Variants in ADGRG4 observed in about 807,000 individuals in gnomAD.
ADGRG4 encodes adhesion G protein-coupled receptor G4, also known as G protein-coupled receptor 112.
A neutral mutation model predicts 126.2 loss-of-function variants in ADGRG4; 122 were observed. That is an observed-to-expected ratio of 0.97 (90% CI 0.83 to 1.12). The LOEUF is 1.12. ADGRG4 is among the 50% of genes most tolerant of loss of function. The pLI is 0.00. For synonymous variants in ADGRG4, 943 were observed against 838.7 expected, an observed-to-expected ratio of 1.12 and a Z score of -2.15; for missense variants, 2,481 against 2,251.8, an observed-to-expected ratio of 1.10 and a Z score of -2.06.
At chrX:136,413,174 G>A (rs1012422800) in intron 24 of ADGRG4, among the ~76,000 whole-genome samples, 1 of 107,830 alleles carries the variant, frequency 9.3e-6, no homozygotes, top group Non-Finnish European at 1.9e-5. Flanking sequence ...TGCCATGCTG[G>A]TGTGCTGCAC....
chrX:136,314,893 C>T lies in ADGRG4; in HGVS notation c.70+6046C>T, dbSNP rs150330998. Among the ~76,000 whole-genome samples, 80 of 111,619 alleles carry T rather than the reference C, an allele frequency of 7.2e-4. 2 individuals carry two copies. In the East Asian group the frequency reaches 0.022, roughly 30 times the overall value. The stretch of plus-strand genomic sequence containing the variant: ...GAGCTTCTGGCTTTATGAGTAAGGA[C>T]ATCTATTTTTTTGGGTGAGACATGG... On this transcript the variant is annotated intron_variant, in intron 4 of 25. Coordinates refer to ENST00000394143, the MANE Select transcript of ADGRG4 (RefSeq NM_153834.4).
Position 136,308,795 on chromosome X carries a change from A to G in ADGRG4, c.18A>G (p.Ile6Met), listed in dbSNP as rs769706208. Residue 6 changes from isoleucine to methionine, a missense_variant, in exon 4 of 26, where the codon ATA becomes ATG. Physicochemically the swap from Ile to Met is conservative, Grantham distance 10. Coordinates refer to ENST00000394143, the MANE Select transcript of ADGRG4 (RefSeq NM_153834.4). ...CTTAGACAATGAAAGAACACATCAT[A>G]TATCAGAAGCTTTATGGATTGATTC... MKEHIIYQKLYGLILM... is the reference protein window; with the variant it reads MKEHIMYQKLYGLILM... 2 of 1,171,937 alleles carry G rather than the reference A, an allele frequency of 1.7e-6. No homozygotes were observed. Among genetic ancestry groups the G allele is most frequent in the African/African-American group, 3.5e-5 (2 of 57,148 alleles).
intron 5 of ADGRG4, among the ~76,000 whole-genome samples, chrX:136,325,317 T>G (rs2074865464): frequency 8.9e-6 from 1 of 112,028 alleles, no homozygotes; most frequent in Non-Finnish European, 1.9e-5. Flanking sequence ...AGAGGAACAT[T>G]CCAGGGGATT....
chrX:136,392,092 C>A, intron 16 of ADGRG4, 140 bp from the exon 17 acceptor site: 2 of 461,919 alleles, frequency 4.3e-6, no homozygotes, highest in South Asian at 5.6e-5. Context: ...GCTGAATAAC[C>A]TTTGACCTTA....
At chrX:136,414,524 T>G (rs892599595) in intron 25 of ADGRG4, among the ~76,000 whole-genome samples, 197 bp downstream of exon 25, 2 of 112,687 alleles carry the variant, frequency 1.8e-5, no homozygotes, top group African/African-American at 6.4e-5. Context: ...TATAGGTGTT[T>G]CTGTGCCTAG....
rs750315453 is a variant in ADGRG4, at chrX:136,348,125, A to G, written c.4419A>G (p.Leu1473=). ...PESLSLSTAG[L]YNDGFTVLSD... Reference sequence around the variant, plus strand: ...CCTTGTCTCTTTCCACAGCTGGACTATATAATGACGGTTTTACAGTTCTCT... The same window carrying G: ...CCTTGTCTCTTTCCACAGCTGGACTGTATAATGACGGTTTTACAGTTCTCT... Residue 1473 remains leucine (L), a synonymous_variant, in exon 6 of 26, where the codon CTA becomes CTG. Coordinates refer to ENST00000394143, the MANE Select transcript of ADGRG4 (RefSeq NM_153834.4). 1.1e-5 allele frequency: 13 copies of G among 1,210,520 alleles called. No individual in the cohort carries two copies. Among genetic ancestry groups the G allele is most frequent in the Non-Finnish European group, 1.3e-5 (12 of 894,478 alleles).
chrX:136,359,571 G>GTT (rs1374236662), intron 11 of ADGRG4, 116 bp downstream of exon 11: 64 of 506,122 alleles, frequency 1.3e-4, no homozygotes, highest in South Asian at 2.3e-4. Flanking sequence ...TCATCTTTCT[G>GTT]TTTTTTTTTT....
rs892599762 is a variant in ADGRG4 at position 136,329,614 on chromosome X, A to G, written c.685+6222A>G. ...GGCCTGACCTCATGGCTTCTGTCCA[A>G]TGTGAATAGATGGATATTCAGTCAT... On this transcript the variant is annotated intron_variant, in intron 5 of 25. Transcript: ENST00000394143. 2.7e-5 allele frequency among the ~76,000 whole-genome samples: 3 copies of G among 111,543 alleles called. No homozygotes were observed. In the Admixed American group the frequency reaches 2.8e-4, roughly 11 times the overall value.
chrX:136,346,545 G>A lies in ADGRG4; in HGVS notation c.2839G>A (p.Glu947Lys). The A allele has an allele frequency of 3.3e-6, 4 of 1,210,366 alleles. No individual in the cohort carries two copies. Among genetic ancestry groups the A allele is most frequent in the Non-Finnish European group, 4.5e-6 (4 of 894,630 alleles). Residue 947 changes from glutamate (E) to lysine (K), a missense_variant, in exon 6 of 26, where the codon GAG becomes AAG. By Grantham distance (56) the Glu-to-Lys change is moderately conservative. Coordinates refer to ENST00000394143, the MANE Select transcript of ADGRG4 (RefSeq NM_153834.4). ...YVAHWTSETS[E>K]GISAGSPTSG... ...AGCACATTGGACTTCAGAGACATCT[G>A]AGGGAATTTCAGCTGGATCTCCCAC...
intron 1 of ADGRG4, among the ~76,000 whole-genome samples, chrX:136,303,156 C>CA (rs1225253848): frequency 8.9e-6 from 1 of 111,892 alleles, no homozygotes; most frequent in African/African-American, 3.2e-5. Context: ...TCTATCTCTA[C>CA]AAAAAATACA....
In ADGRG4 at chrX:136,323,741, C is replaced by A. The variant is rs901061016; in HGVS notation, c.685+349C>A. ...TTAACCAGGCTATAATGATCAAAAT[C>A]AGAAAAGTTGATGTTGATACAATAC... is the stretch of plus-strand genomic sequence containing the variant. On this transcript the variant is annotated intron_variant, in intron 5 of 25. Transcript: ENST00000394143. 2.9e-4 allele frequency among the ~76,000 whole-genome samples: 32 copies of A among 111,403 alleles called. No homozygotes were observed. In the Admixed American group the frequency reaches 3.1e-3, roughly 11 times the overall value.
chrX:136,404,335 C>A (rs1284520878), intron 22 of ADGRG4, among the ~76,000 whole-genome samples: 1 of 111,263 alleles, frequency 9.0e-6, no homozygotes, highest in Non-Finnish European at 1.9e-5. Flanking sequence ...CCATCAAAAG[C>A]AAGAGCAAAA....
intron 23 of ADGRG4, among the ~76,000 whole-genome samples, chrX:136,406,729 C>T (rs1313808037): frequency 2.7e-5 from 3 of 110,907 alleles, no homozygotes; most frequent in African/African-American, 3.3e-5. Flanking sequence ...GCCTGGCCAA[C>T]ATGGTGAAAC....
rs758468973 is a variant in ADGRG4, at chrX:136,349,935, C to T, written c.6229C>T (p.Leu2077=). The T allele has an allele frequency of 3.0e-5, 36 of 1,208,911 alleles. No homozygotes were observed. The highest frequency in any genetic ancestry group is 3.8e-5 in the Non-Finnish European group (34 of 894,445). ...ILTRTIPTPT[L]GGITTGFPTS... ...CACCCGAACCATTCCTACACCTACA[C>T]TGGGTGGTATCACTACTGGCTTCCC... The change falls in exon 6 of 26, where the codon CTG becomes TTG. Residue 2077 remains leucine (L), a synonymous_variant. Coordinates refer to ENST00000394143, the MANE Select transcript of ADGRG4 (RefSeq NM_153834.4).
At chrX:136,368,514 C>T (rs999084396) in intron 13 of ADGRG4, among the ~76,000 whole-genome samples, 2 of 111,843 alleles carry the variant, frequency 1.8e-5, no homozygotes, top group African/African-American at 6.5e-5. Flanking sequence ...TTCCTCAGAG[C>T]CAGACACCAT....
chrX:136,342,919 T>TGAGAGAGA (rs769681519), intron 5 of ADGRG4, among the ~76,000 whole-genome samples: 3 of 81,971 alleles, frequency 3.7e-5, no homozygotes, highest in African/African-American at 1.5e-4. Context: ...TGTGTGTGTG[T>TGAGAGAGA]GTGAGAGAGA....
intron 15 of ADGRG4, among the ~76,000 whole-genome samples, chrX:136,385,143 A>G (rs181015668): frequency 9.0e-6 from 1 of 111,556 alleles, no homozygotes; most frequent in Admixed American, 9.5e-5. Context: ...CAAAAGGATC[A>G]TTTATATTGA....
chrX:136,380,326 A>T (rs1197281816), intron 15 of ADGRG4, among the ~76,000 whole-genome samples: 1 of 110,789 alleles, frequency 9.0e-6, no homozygotes, highest in Non-Finnish European at 1.9e-5. Flanking sequence ...TGATATTGGT[A>T]ATTTCTTTTT....
intron 15 of ADGRG4, among the ~76,000 whole-genome samples, chrX:136,380,576 C>T (rs1397100515): frequency 1.1e-5 from 1 of 87,830 alleles, no homozygotes; most frequent in African/African-American, 4.4e-5. Context: ...TCCTCTTCTT[C>T]TTCCTCCTCC....
Sources: gnomAD v4.1 joint callset for allele counts (sites outside exome capture counted in the v4.1 genomes callset) on GRCh38, gnomAD v4.1.1 for gene constraint, MANE v1.5 for transcripts, NCBI Gene and HGNC (gene_info 2026-07-23, HGNC 2026-07-21) for gene names.